TAS2R1: variants seen among roughly 807,000 people sequenced by gnomAD.
TAS2R1 encodes taste 2 receptor member 1.
For missense variants in TAS2R1, 370 were observed against 353.4 expected (o/e 1.05, Z -0.38); for synonymous variants, 141 against 134.2 (o/e 1.05, Z -0.35).
At chr5:9,669,592 T>C (rs970057336) in intron 1 of TAS2R1, among the ~76,000 whole-genome samples, 1 of 151,888 alleles carries the variant, frequency 6.6e-6, no homozygotes, top group Non-Finnish European at 1.5e-5. Context: ...AAAATAGAAA[T>C]CAATACTAAG....
At chr5:9,752,869 G>A in the TAS2R1 span, among the ~76,000 whole-genome samples, 6,152 of 152,222 alleles carry the variant, frequency 0.04, 177 homozygotes, top group Non-Finnish European at 0.059. Flanking sequence ...CCCTACAAAG[G>A]ACATGAACTC....
At chr5:9,790,247 G>T in the TAS2R1 span, among the ~76,000 whole-genome samples, 3 of 152,192 alleles carry the variant, frequency 2.0e-5, no homozygotes, top group Non-Finnish European at 4.4e-5. Flanking sequence ...AGCAGTATTT[G>T]CTCCACTGAT....
the TAS2R1 span, among the ~76,000 whole-genome samples, chr5:9,873,926 G>C: frequency 1.3e-5 from 2 of 148,250 alleles, no homozygotes; most frequent in African/African-American, 5.0e-5. Flanking sequence ...GAAAAGAAAA[G>C]GGGAGGGTAG....
intron 2 of TAS2R1, among the ~76,000 whole-genome samples, chr5:9,649,532 C>T (rs567102372): frequency 6.6e-6 from 1 of 152,250 alleles, no homozygotes; most frequent in East Asian, 1.9e-4. Context: ...TGGAATGTAG[C>T]ATTATCAGCT....
At chr5:9,670,694 C>A (rs1043074487) in intron 1 of TAS2R1, among the ~76,000 whole-genome samples, 1 of 152,108 alleles carries the variant, frequency 6.6e-6, no homozygotes, top group African/African-American at 2.4e-5. Flanking sequence ...GGATTCACAG[C>A]CAAATTCTAC....
the TAS2R1 span, among the ~76,000 whole-genome samples, chr5:9,808,353 A>C: frequency 6.6e-6 from 1 of 152,190 alleles, no homozygotes; most frequent in Non-Finnish European, 1.5e-5. Flanking sequence ...TATTTAGCTG[A>C]GGAGATTTCT....
At chr5:9,712,722 C>T (rs1383750792), upstream of TAS2R1, among the ~76,000 whole-genome samples, 6 of 152,208 alleles carry the variant, frequency 3.9e-5, no homozygotes, top group African/African-American at 1.4e-4. Flanking sequence ...ATAAATGTGT[C>T]TAGCACGTGC....
At chr5:9,838,853 G>A in the TAS2R1 span, among the ~76,000 whole-genome samples, 4 of 152,158 alleles carry the variant, frequency 2.6e-5, no homozygotes, top group Non-Finnish European at 5.9e-5. Context: ...CTGACCTCCC[G>A]TGCTTTTTCT....
At chr5:9,864,122 G>C in the TAS2R1 span, among the ~76,000 whole-genome samples, 89 of 152,320 alleles carry the variant, frequency 5.8e-4, no homozygotes, top group South Asian at 0.018. Context: ...AGGGAGCCCT[G>C]TCCTGCTCTG....
the TAS2R1 span, among the ~76,000 whole-genome samples, chr5:9,855,419 T>C: frequency 6.6e-6 from 1 of 151,958 alleles, no homozygotes; most frequent in Non-Finnish European, 1.5e-5. Flanking sequence ...GGCAAAGGAG[T>C]TGACAATGAG....
In TAS2R1 at chr5:9,629,888, AAAG is replaced by A. The variant is rs768104638; in HGVS notation, c.142_144del (p.Leu48del). On this transcript the variant is annotated inframe_deletion, in exon 1 of 1. Coordinates refer to ENST00000382492, the MANE Select transcript of TAS2R1 (RefSeq NM_019599.3). Reference sequence around the variant, plus strand: ...AAAATTCTAGAAACTGCCAGACAAGAAAGAAGGAGATCCAGCGGAGCCATTTTT... The same window carrying A: ...AAAATTCTAGAAACTGCCAGACAAGAAAGGAGATCCAGCGGAGCCATTTTT... 1.6e-4 allele frequency: 254 copies of A among 1,614,104 alleles called. No individual in the cohort carries two copies. The highest frequency in any genetic ancestry group is 5.5e-4 in the Admixed American group (33 of 59,968).
the TAS2R1 span, among the ~76,000 whole-genome samples, chr5:9,799,144 G>C: frequency 6.6e-6 from 1 of 152,122 alleles, no homozygotes. Context: ...TCACTAGGTG[G>C]GAAGAAAACC....
chr5:9,880,578 T>A, the TAS2R1 span, among the ~76,000 whole-genome samples: 2 of 152,192 alleles, frequency 1.3e-5, no homozygotes, highest in African/African-American at 4.8e-5. Context: ...CTCAGCAGCA[T>A]CCCTATCCTC....
At chr5:9,690,657 T>C (rs1244543971) in intron 1 of TAS2R1, among the ~76,000 whole-genome samples, 1 of 152,024 alleles carries the variant, frequency 6.6e-6, no homozygotes, top group Non-Finnish European at 1.5e-5. Flanking sequence ...AAAGTGTTGA[T>C]ACGTACCCCT....
chr5:9,744,309 G>T, the TAS2R1 span, among the ~76,000 whole-genome samples: 1 of 152,130 alleles, frequency 6.6e-6, no homozygotes, highest in Non-Finnish European at 1.5e-5. Context: ...TCTAATATTG[G>T]GCCGGTGGGT....
Position 9,679,117 on chromosome 5 carries a change from A to T in TAS2R1, c.-241-19536T>A, listed in dbSNP as rs548421848. The stretch of plus-strand genomic sequence containing the variant: ...AAATGAGCCAAACTGCAAATGCTAC[A>T]TCGTGTATGATTCCAAATACACGAC... On this transcript the variant is annotated intron_variant, in intron 1 of 2. Coordinates refer to the TAS2R1 transcript ENST00000506620. 3.3e-5 allele frequency among the ~76,000 whole-genome samples: 5 copies of T among 152,354 alleles called. No homozygotes were observed. In the East Asian group the frequency reaches 9.6e-4, roughly 29 times the overall value.
At chr5:9,716,928 G>C (rs936390190), upstream of TAS2R1, among the ~76,000 whole-genome samples, 7 of 152,082 alleles carry the variant, frequency 4.6e-5, no homozygotes, top group Admixed American at 2.6e-4. Context: ...AACCACACAG[G>C]ACTCATGCCT....
At chr5:9,632,762 T>C (rs1050473241), upstream of TAS2R1, among the ~76,000 whole-genome samples, 1 of 152,170 alleles carries the variant, frequency 6.6e-6, no homozygotes, top group African/African-American at 2.4e-5. Context: ...GCTCTACTTC[T>C]AATTATAATT....
chr5:9,702,581 T>C (rs1326814463), intron 1 of TAS2R1, among the ~76,000 whole-genome samples: 1 of 152,196 alleles, frequency 6.6e-6, no homozygotes, highest in Non-Finnish European at 1.5e-5. Flanking sequence ...TGGCCTAAAT[T>C]GTCAAGCAGA....
Sources: gnomAD v4.1 joint callset for allele counts (sites outside exome capture counted in the v4.1 genomes callset) on GRCh38, gnomAD v4.1.1 for gene constraint, MANE v1.5 for transcripts, NCBI Gene and HGNC (gene_info 2026-07-23, HGNC 2026-07-21) for gene names.